The following TBC1D9 variants were observed in gnomAD, a reference collection of about 807,000 sequenced individuals.
TBC1D9 encodes the protein TBC1 domain family member 9A.
Under a neutral mutation model 132.0 loss-of-function variants are expected in TBC1D9, and 63 were observed. The observed-to-expected ratio is 0.48, with a 90% CI of 0.39 to 0.59. The LOEUF (loss-of-function observed/expected upper bound fraction) is 0.59, where lower values mean the gene tolerates loss of function less well. Among genes scored for constraint, TBC1D9 ranks in the 20% least tolerant of loss-of-function variants. The probability of loss-of-function intolerance (pLI) is 0.00; values close to 1 mark genes in which losing one functional copy is unlikely to be tolerated. For synonymous variants in TBC1D9, 610 were observed against 609.9 expected (o/e 1.00, Z 0.00); for missense variants, 1,261 against 1,592.7 (o/e 0.79, Z 3.54).
At position 140,639,135 on chromosome 4, in the gene TBC1D9, T is replaced by A; in HGVS notation, c.2456A>T (p.Glu819Val). Residue 819 changes from glutamate (E) to valine (V), a missense_variant, in exon 15 of 21, where the codon GAA becomes GTA. By Grantham distance (121) the Glu-to-Val change is moderately radical. Coordinates refer to ENST00000442267, the MANE Select transcript of TBC1D9 (RefSeq NM_015130.3). ...CAGCTCATCAATGGTAAAGGAAGTTTCTGTCACAATGGTTCGTACCTATAA... is the reference window on the plus strand; with the variant it reads ...CAGCTCATCAATGGTAAAGGAAGTTACTGTCACAATGGTTCGTACCTATAA... Reference protein sequence around the residue: ...KRNVVRTIVTETSFTIDELEE... With the variant: ...KRNVVRTIVTVTSFTIDELEE... 1 of 1,586,682 alleles carries A rather than the reference T, an allele frequency of 6.3e-7. No individual in the cohort carries two copies. Among genetic ancestry groups the A allele is most frequent in the Non-Finnish European group, 8.6e-7 (1 of 1,165,024 alleles).
At chr4:140,691,854 T>C (rs1737883103) in intron 2 of TBC1D9, among the ~76,000 whole-genome samples, 2 of 152,204 alleles carry the variant, frequency 1.3e-5, no homozygotes, top group African/African-American at 4.8e-5. Flanking sequence ...GTCTAATTAT[T>C]CATCTAGTTT....
chr4:140,746,090 A>T (rs1200308019), intron 1 of TBC1D9, among the ~76,000 whole-genome samples: 1 of 152,180 alleles, frequency 6.6e-6, no homozygotes, highest in Non-Finnish European at 1.5e-5. Context: ...CACTCTTACC[A>T]TCTCCATGCC....
intron 13 of TBC1D9, chr4:140,642,651 C>A (rs540064986): frequency 2.8e-6 from 2 of 711,142 alleles, no homozygotes; most frequent in South Asian, 3.7e-5. Flanking sequence ...TCGTGTTCAT[C>A]CCAAGTCTGG....
At chr4:140,681,749 G>C (rs1400577498) in intron 3 of TBC1D9, among the ~76,000 whole-genome samples, 4 of 152,084 alleles carry the variant, frequency 2.6e-5, no homozygotes, top group African/African-American at 9.7e-5. Flanking sequence ...TCTTCCACAG[G>C]CTCTCAGTGA....
chr4:140,666,424 C>T (rs535902376), intron 9 of TBC1D9, among the ~76,000 whole-genome samples: 1 of 152,292 alleles, frequency 6.6e-6, no homozygotes, highest in East Asian at 1.9e-4. Context: ...CAAGCTCCGC[C>T]TCCCGGGTTC....
At chr4:140,677,179 CA>C in intron 5 of TBC1D9, 78 bp from the exon 6 acceptor site, 1 of 1,548,812 alleles carries the variant, frequency 6.5e-7, no homozygotes, top group Non-Finnish European at 8.8e-7. Context: ...GAAGTTCCCC[CA>C]GCCCATTTTC....
At chr4:140,716,449 C>G (rs1578853684) in intron 1 of TBC1D9, among the ~76,000 whole-genome samples, 1 of 152,092 alleles carries the variant, frequency 6.6e-6, no homozygotes. Context: ...ATGATCGTGC[C>G]CCTGTACTCC....
intron 1 of TBC1D9, among the ~76,000 whole-genome samples, chr4:140,746,159 G>T (rs1047277280): frequency 5.3e-5 from 8 of 152,126 alleles, no homozygotes; most frequent in African/African-American, 1.7e-4. Flanking sequence ...TTAATAATGT[G>T]ACCCAACAAA....
rs770349845 is a variant in TBC1D9, at chr4:140,628,378, T to A, written c.2747-13A>T. On this transcript the variant is annotated splice_polypyrimidine_tract_variant and intron_variant, in intron 16 of 20. Transcript: ENST00000442267. ...TGGCATGCAGCACCTAGAAGTCACATAAGTACCAATGTGAAATGCATCACA... is the reference window on the plus strand; with the variant it reads ...TGGCATGCAGCACCTAGAAGTCACAAAAGTACCAATGTGAAATGCATCACA... 1 of 1,612,294 alleles carries A rather than the reference T, an allele frequency of 6.2e-7. No individual in the cohort carries two copies. Among genetic ancestry groups the A allele is most frequent in the Admixed American group, 1.7e-5 (1 of 60,030 alleles).
chr4:140,622,317 C>A lies in TBC1D9; in HGVS notation c.3679G>T (p.Val1227Phe). 1 of 1,613,782 alleles carries A rather than the reference C, an allele frequency of 6.2e-7. No homozygotes were observed. Among genetic ancestry groups the A allele is most frequent in the Non-Finnish European group, 8.5e-7 (1 of 1,179,714 alleles). Residue 1227 changes from valine (V) to phenylalanine (F), a missense_variant, in exon 21 of 21, where the codon GTC becomes TTC. Coordinates refer to ENST00000442267, the MANE Select transcript of TBC1D9 (RefSeq NM_015130.3). Reference sequence around the variant, plus strand: ...CACACGGGCTTGTCAAAGTACTTGACCAGGGCAGGCTCAGTTAAGAGGGAG... The same window carrying A: ...CACACGGGCTTGTCAAAGTACTTGAACAGGGCAGGCTCAGTTAAGAGGGAG... Reference protein sequence around the residue: ...LASLLTEPALVKYFDKPVCMM... With the variant: ...LASLLTEPALFKYFDKPVCMM...
Position 140,753,286 on chromosome 4 carries a change from G to T in TBC1D9, c.130+2630C>A, listed in dbSNP as rs185392982. Among the ~76,000 whole-genome samples, 27 of 151,566 alleles carry T rather than the reference G, an allele frequency of 1.8e-4. No individual in the cohort carries two copies. The East Asian group carries it at 3.1e-3, about 17-fold the overall frequency. ...TTTTTTTTCCTTTTCTAGCGATAAG[G>T]TCTCACCATGTTGCCCAGTCCGGAT... On this transcript the variant is annotated intron_variant, in intron 1 of 20. Transcript: ENST00000442267.
intron 13 of TBC1D9, among the ~76,000 whole-genome samples, chr4:140,649,719 G>A (rs1737158639): frequency 1.3e-5 from 2 of 152,086 alleles, no homozygotes; most frequent in South Asian, 4.1e-4. Context: ...TGTTCAGGAG[G>A]GCAGAAGAAG....
rs1456455668 is a variant in TBC1D9, at chr4:140,625,919, G to A, written c.2899+1522C>T. Reference sequence around the variant, plus strand: ...TATGGTAAGATTCTAAGACAGTTTTGGCTTACTTATTTTACCCGTACCTGA... The same window carrying A: ...TATGGTAAGATTCTAAGACAGTTTTAGCTTACTTATTTTACCCGTACCTGA... On this transcript the variant is annotated intron_variant, in intron 18 of 20. Coordinates refer to ENST00000442267, the MANE Select transcript of TBC1D9 (RefSeq NM_015130.3). Among the ~76,000 whole-genome samples the A allele has an allele frequency of 3.3e-5, 5 of 152,200 alleles. 1 individual carries two copies. The highest frequency in any genetic ancestry group is 3.3e-4 in the Admixed American group (5 of 15,276).
At chr4:140,740,496 C>T (rs1032744982) in intron 1 of TBC1D9, among the ~76,000 whole-genome samples, 2 of 152,140 alleles carry the variant, frequency 1.3e-5, no homozygotes, top group African/African-American at 4.8e-5. Context: ...TAATGAACTC[C>T]CCCTTTACTC....
At chr4:140,749,734 A>G (rs940411394) in intron 1 of TBC1D9, among the ~76,000 whole-genome samples, 11 of 152,096 alleles carry the variant, frequency 7.2e-5, no homozygotes, top group Non-Finnish European at 1.3e-4. Flanking sequence ...TAAAAGACAT[A>G]TCTAAAACAT....
intron 13 of TBC1D9, among the ~76,000 whole-genome samples, chr4:140,651,119 C>A (rs941516520): frequency 1.3e-5 from 2 of 152,138 alleles, no homozygotes; most frequent in Non-Finnish European, 2.9e-5. Flanking sequence ...TTATTCCCAG[C>A]ATTGTTGATA....
At chr4:140,678,850 T>G (rs1461067995) in intron 5 of TBC1D9, 92 bp downstream of exon 5, 22 of 1,455,452 alleles carry the variant, frequency 1.5e-5, no homozygotes, top group African/African-American at 2.8e-5. Context: ...TTCAGAACCC[T>G]TGAAGATCGT....
chr4:140,709,244 T>TCACACACA (rs1446149939), intron 1 of TBC1D9, among the ~76,000 whole-genome samples: 131 of 107,298 alleles, frequency 1.2e-3, no homozygotes, highest in African/African-American at 5.3e-3. Flanking sequence ...TCTCTCTCTC[T>TCACACACA]CTCTCACACA....
At chr4:140,721,580 A>G (rs1052218715) in intron 1 of TBC1D9, among the ~76,000 whole-genome samples, 1 of 152,206 alleles carries the variant, frequency 6.6e-6, no homozygotes, top group Non-Finnish European at 1.5e-5. Context: ...ACAAAGAGGA[A>G]TAATTGGACT....
Sources: allele counts gnomAD v4.1 joint callset (sites outside exome capture counted in the v4.1 genomes callset), GRCh38; gene constraint gnomAD v4.1.1; transcripts MANE v1.5; gene names NCBI Gene and HGNC (gene_info 2026-07-23, HGNC 2026-07-21).